Variants in TERT observed in about 807,000 individuals in gnomAD.
TERT encodes the protein telomerase reverse transcriptase, also known as telomerase catalytic subunit.
TERT carries 42 observed loss-of-function variants against 104.0 expected under a neutral mutation model. That is an observed-to-expected ratio of 0.40 (90% CI 0.32 to 0.52). The LOEUF (loss-of-function observed/expected upper bound fraction) is 0.52, where lower values mean the gene tolerates loss of function less well. Ranked by LOEUF, TERT falls within the 20% of genes least tolerant of loss-of-function variation. TERT has a pLI of 0.43. For synonymous variants in TERT, 781 were observed against 725.6 expected (o/e 1.08, Z -1.23); for missense variants, 1,101 against 1,610.3 (o/e 0.68, Z 5.41).
intron 12 of TERT, among the ~76,000 whole-genome samples, chr5:1,259,430 G>A (rs1442402428): frequency 9.6e-5 from 12 of 125,572 alleles, no homozygotes; most frequent in Admixed American, 1.6e-4. Flanking sequence ...GGACACGGAC[G>A]CCCACAGGAG....
chr5:1,258,880 G>C (rs999787664), intron 12 of TERT, among the ~76,000 whole-genome samples: 1 of 152,230 alleles, frequency 6.6e-6, no homozygotes. Context: ...CCCGAGGCTC[G>C]GCCAAGACAG....
chr5:1,294,849 GA>G lies in TERT; in HGVS notation c.140del (p.Phe47SerfsTer31). The G allele has an allele frequency of 6.9e-7, 1 of 1,458,626 alleles. No homozygotes were observed. The highest frequency in any genetic ancestry group is 9.0e-7 in the Non-Finnish European group (1 of 1,114,024). The allele number at this position is 1,458,626 out of a possible 1,614,324, so 90.4% of individuals were successfully genotyped here. A position where few individuals can be genotyped will look rare whatever the true frequency, so the allele number is the denominator to read the frequency against. ...CCAGGCACTGGGCCACCAGCGCGCGGAAAGCCGCCGGGTCCCCGCGCTGCAC... is the reference window on the plus strand; with the variant it reads ...CCAGGCACTGGGCCACCAGCGCGCGGAAGCCGCCGGGTCCCCGCGCTGCAC... ...RLVQRGDPAAFRALVAQCLVC... is the reference protein window; with the variant it reads ...RLVQRGDPAAXRALVAQCLVC... On this transcript the variant is annotated frameshift_variant, in exon 1 of 16. Coordinates refer to ENST00000310581, the MANE Select transcript of TERT (RefSeq NM_198253.3). LOFTEE classifies it high-confidence loss of function.
chr5:1,291,565 CCTCA>C (rs1750967577), intron 2 of TERT, among the ~76,000 whole-genome samples: 2 of 127,350 alleles, frequency 1.6e-5, no homozygotes, highest in Non-Finnish European at 1.7e-5. Context: ...GGGGACCGCG[CCTCA>C]CTCACCCTGC....
intron 12 of TERT, among the ~76,000 whole-genome samples, chr5:1,259,770 G>A (rs1329854323): frequency 2.5e-4 from 34 of 136,204 alleles, no homozygotes; most frequent in African/African-American, 9.1e-4. Context: ...GAGGGGGAGT[G>A]GACACAGACG....
intron 2 of TERT, among the ~76,000 whole-genome samples, chr5:1,285,450 G>C (rs552173643): frequency 7.9e-5 from 12 of 152,236 alleles, no homozygotes; most frequent in Middle Eastern, 3.4e-3. Context: ...TGTGAGTGAT[G>C]CTCCCACCAA....
chr5:1,283,705 C>T (rs1271224146), intron 2 of TERT, among the ~76,000 whole-genome samples: 3 of 143,438 alleles, frequency 2.1e-5, no homozygotes, highest in Non-Finnish European at 3.1e-5. Flanking sequence ...CCACCAAGGG[C>T]CTGGCGACCT....
Position 1,293,430 on chromosome 5 carries a change from G to C in TERT, c.1456C>G (p.Arg486Gly). The C allele has an allele frequency of 6.2e-7, 1 of 1,612,436 alleles. No individual in the cohort carries two copies. Among genetic ancestry groups the C allele is most frequent in the Non-Finnish European group, 8.5e-7 (1 of 1,179,742 alleles). The change falls in exon 2 of 16, where the codon CGC (arginine) becomes GGC (glycine). Residue 486 changes from arginine to glycine, a missense_variant. Arg to Gly is a moderately radical substitution (Grantham distance 125, BLOSUM62 -2). Transcript: ENST00000310581. Reference sequence around the variant, plus strand: ...AACTTCTTGGTGTTCCTGAGGAAGCGGCGTTCGTTGTGCCTGGAGCCCCAG... The same window carrying C: ...AACTTCTTGGTGTTCCTGAGGAAGCCGCGTTCGTTGTGCCTGGAGCCCCAG... ...GLWGSRHNER[R>G]FLRNTKKFIS...
rs1748808561 is a variant in TERT at position 1,268,727 on chromosome 5, C to T, written c.2469-94G>A. On this transcript the variant is annotated intron_variant, in intron 8 of 15. Transcript: ENST00000310581. The surrounding 1 kb of genome is among the most constrained non-coding windows in gnomAD (Gnocchi z 5.5). ...CCACACACAGACACAGAACCTCATA[C>T]ACACAAACGACACGTCTACCATTCA... 1 of 801,966 alleles carries T rather than the reference C, an allele frequency of 1.2e-6. No individual in the cohort carries two copies. The highest frequency in any genetic ancestry group is 1.5e-5 in the South Asian group (1 of 68,438). 49.7% of individuals were successfully genotyped at this position (801,966 alleles called of 1,614,324 possible). A position where few individuals can be genotyped will look rare whatever the true frequency, so the allele number is the denominator to read the frequency against.
rs1346452282 is a variant in TERT, at chr5:1,255,582, G to A, written c.3033-171C>T. Among the ~76,000 whole-genome samples the A allele has an allele frequency of 6.6e-6, 1 of 152,236 alleles. No homozygotes were observed. The highest frequency in any genetic ancestry group is 1.5e-5 in the Non-Finnish European group (1 of 68,038). ...TGCATGCATGCATGTCTGTGTGTGT[G>A]CTTGTGTGTGCGAGTAGCTGCGTGT... On this transcript the variant is annotated intron_variant, in intron 13 of 15. Transcript: ENST00000310581. The surrounding 1 kb of genome is among the most constrained non-coding windows in gnomAD (Gnocchi z 6.9).
chr5:1,275,788 A>G (rs183292093), intron 6 of TERT, among the ~76,000 whole-genome samples: 1 of 130,230 alleles, frequency 7.7e-6, no homozygotes, highest in African/African-American at 3.0e-5. Context: ...TACCCCACAC[A>G]TGAAAACCAA....
chr5:1,254,292 C>T (rs1747551907), intron 15 of TERT, 76 bp downstream of exon 15: 2 of 1,601,074 alleles, frequency 1.2e-6, no homozygotes, highest in Non-Finnish European at 1.7e-6. Flanking sequence ...GCATCTGAGG[C>T]TGCTCGCCCC....
At chr5:1,279,688 C>T (rs1369286244) in intron 4 of TERT, among the ~76,000 whole-genome samples, 1 of 152,154 alleles carries the variant, frequency 6.6e-6, no homozygotes, top group Non-Finnish European at 1.5e-5. Context: ...CTCTGTCCAC[C>T]TCACCCCACA....
At chr5:1,276,148 G>T (rs1256214788) in intron 6 of TERT, among the ~76,000 whole-genome samples, 27 of 127,680 alleles carry the variant, frequency 2.1e-4, no homozygotes, top group Admixed American at 4.0e-4. Context: ...CCAATTCACA[G>T]ATCCCCACCT....
chr5:1,276,037 TC>T (rs1749552869), intron 6 of TERT, among the ~76,000 whole-genome samples: 1 of 106,064 alleles, frequency 9.4e-6, no homozygotes, highest in East Asian at 3.1e-4. Context: ...ATCCCACAGA[TC>T]CCCACCTACC....
chr5:1,283,947 C>T (rs1318634510), intron 2 of TERT, among the ~76,000 whole-genome samples: 3 of 144,352 alleles, frequency 2.1e-5, no homozygotes, highest in African/African-American at 7.7e-5. Flanking sequence ...ACCAGCTCAC[C>T]GCAGGGCCTG....
chr5:1,279,016 C>A (rs1480830572), intron 5 of TERT, among the ~76,000 whole-genome samples: 2 of 152,256 alleles, frequency 1.3e-5, no homozygotes, highest in Non-Finnish European at 2.9e-5. Context: ...GGTGGCTGAG[C>A]CGTTGCGGTT....
chr5:1,282,299 G>A lies in TERT; in HGVS notation c.1769+130C>T, dbSNP rs7725218. The A allele has an allele frequency of 0.35, 337,364 of 955,560 alleles. 60,792 individuals carry two copies. Among genetic ancestry groups the A allele is most frequent in the Middle Eastern group, 0.45 (1,471 of 3,288 alleles). The allele number at this position is 955,560 out of a possible 1,614,324, so 59.2% of individuals were successfully genotyped here. A position where few individuals can be genotyped will look rare whatever the true frequency, so the allele number is the denominator to read the frequency against. On this transcript the variant is annotated intron_variant, in intron 3 of 15. Coordinates refer to ENST00000310581, the MANE Select transcript of TERT (RefSeq NM_198253.3). ...AATCCACTTGGACCAGGCCTGTGAC[G>A]GGGCCCCTGGCTCCCAGCCCAGAGC... is the stretch of plus-strand genomic sequence containing the variant.
Position 1,263,796 on chromosome 5 carries a change from C to T in TERT, c.2843+608G>A, listed in dbSNP as rs181376546. ...AATTCATTTGTGTCTGAGCCTGAGA[C>T]GGGGCCTTGAGCTCTCGGGCTCTGG... is the stretch of plus-strand genomic sequence containing the variant. On this transcript the variant is annotated intron_variant, in intron 11 of 15. Transcript: ENST00000310581. The surrounding 1 kb of genome is among the most constrained non-coding windows in gnomAD (Gnocchi z 5.3). 2.8e-4 allele frequency among the ~76,000 whole-genome samples: 42 copies of T among 152,340 alleles called. No individual in the cohort carries two copies. The highest frequency in any genetic ancestry group is 9.1e-4 in the African/African-American group (38 of 41,586).
chr5:1,266,394 G>A, intron 10 of TERT, 70 bp downstream of exon 10: 1 of 1,335,844 alleles, frequency 7.5e-7, no homozygotes, highest in South Asian at 1.2e-5. Context: ...CCAGGGGCAG[G>A]ACACGGGGGG....
Sources: allele counts gnomAD v4.1 joint callset (sites outside exome capture counted in the v4.1 genomes callset), GRCh38; gene constraint gnomAD v4.1.1; non-coding constraint Gnocchi (gnomAD v3.1); transcripts MANE v1.5; gene names NCBI Gene and HGNC (gene_info 2026-07-23, HGNC 2026-07-21).